The following BPIFB2 variants were observed in gnomAD, a reference collection of about 807,000 sequenced individuals.
The protein encoded by BPIFB2 is BPI fold containing family B member 2.
BPIFB2 carries 39 observed loss-of-function variants against 50.1 expected under a neutral mutation model. That is an observed-to-expected ratio of 0.78 (90% CI 0.60 to 1.02). BPIFB2 has a LOEUF of 1.02. Among genes scored for constraint, BPIFB2 ranks in the 50% least tolerant of loss-of-function variants. The pLI is 0.00. For synonymous variants in BPIFB2, 280 were observed against 256.3 expected, an observed-to-expected ratio of 1.09 and a Z score of -0.88; for missense variants, 574 against 585.8, an observed-to-expected ratio of 0.98 and a Z score of 0.21.
chr20:33,020,471 G>T (rs1227066065), intron 12 of BPIFB2, 71 bp from the exon 13 acceptor site: 1 of 1,595,286 alleles, frequency 6.3e-7, no homozygotes, highest in Non-Finnish European at 8.6e-7. Flanking sequence ...CCTGGGTCAC[G>T]GTGTTAGCCA....
rs1266412548 is a variant in BPIFB2, at chr20:33,009,819, G to A, written c.109+1136G>A. Among the ~76,000 whole-genome samples, 2 of 152,240 alleles carry A rather than the reference G, an allele frequency of 1.3e-5. No homozygotes were observed. Among genetic ancestry groups the A allele is most frequent in the Admixed American group, 1.3e-4 (2 of 15,290 alleles). On this transcript the variant is annotated intron_variant, in intron 2 of 15. Coordinates refer to ENST00000170150, the MANE Select transcript of BPIFB2 (RefSeq NM_025227.3). The surrounding 1 kb of genome is among the most constrained non-coding windows in gnomAD (Gnocchi z 4.2). ...TGTTTTTGGCAGAAATCTGGCTGGA[G>A]GCCCACGCTGGACGCATTGCTCCCC...
intron 15 of BPIFB2, among the ~76,000 whole-genome samples, chr20:33,022,711 G>A (rs1167902147): frequency 6.6e-6 from 1 of 152,220 alleles, no homozygotes; most frequent in African/African-American, 2.4e-5. Flanking sequence ...GTGCAACTGT[G>A]GACCTGAATT....
chr20:33,020,517 C>A, intron 12 of BPIFB2, 25 bp from the exon 13 acceptor site: 1 of 1,602,266 alleles, frequency 6.2e-7, no homozygotes, highest in Non-Finnish European at 8.5e-7. Context: ...AGACCCTGTC[C>A]TGAATTCTCC....
intron 11 of BPIFB2, 94 bp from the exon 12 acceptor site, chr20:33,020,234 G>A (rs967521880): frequency 6.3e-5 from 79 of 1,247,400 alleles, no homozygotes; most frequent in Non-Finnish European, 8.8e-5. Context: ...GACACCTGCT[G>A]CCTGAATGAG....
At position 33,018,495 on chromosome 20, in the gene BPIFB2, C is replaced by T. The variant is rs142474367; in HGVS notation, c.670-142C>T. 1,402 of 1,296,852 alleles carry T rather than the reference C, an allele frequency of 1.1e-3. 14 individuals carry two copies. In the African/African-American group the frequency reaches 0.017, roughly 16 times the overall value. The allele number at this position is 1,296,852 out of a possible 1,614,324, so 80.3% of individuals were successfully genotyped here. A position where few individuals can be genotyped will look rare whatever the true frequency, so the allele number is the denominator to read the frequency against. On this transcript the variant is annotated intron_variant, in intron 8 of 15. Coordinates refer to ENST00000170150, the MANE Select transcript of BPIFB2 (RefSeq NM_025227.3). ...CCCAGCCGGGAGCATGCCACACAGG[C>T]GAAAGTGTGAACTACACATGTGGCA...
Position 33,013,939 on chromosome 20 carries a change from G to A in BPIFB2, c.438G>A (p.Glu146=), listed in dbSNP as rs774340337. Residue 146 remains glutamate, a synonymous_variant, in exon 5 of 16, where the codon GAG becomes GAA. Coordinates refer to ENST00000170150, the MANE Select transcript of BPIFB2 (RefSeq NM_025227.3). ...ACSLFSGHAN[E]FDGSNSTSHA... is the part of the protein sequence containing the mutation. ...CTTTATTCTCGGGCCACGCCAACGA[G>A]TTTGATGGCAGTAACAGGTGGGTGC... The A allele has an allele frequency of 6.2e-7, 1 of 1,613,558 alleles. No individual in the cohort carries two copies. The highest frequency in any genetic ancestry group is 1.3e-5 in the African/African-American group (1 of 74,932).
At chr20:33,015,288 G>C (rs1978375528) in intron 5 of BPIFB2, 148 bp from the exon 6 acceptor site, 1 of 620,844 alleles carries the variant, frequency 1.6e-6, no homozygotes, top group South Asian at 2.3e-5. Flanking sequence ...TGCCAGCACT[G>C]TGTCTGGCAG....
At chr20:33,011,445 C>G (rs781286424) in intron 3 of BPIFB2, among the ~76,000 whole-genome samples, 37 of 152,208 alleles carry the variant, frequency 2.4e-4, no homozygotes, top group Non-Finnish European at 4.6e-4. Context: ...CCCTCTGTTT[C>G]TAGAAACTGG....
At chr20:33,008,436 T>G in intron 1 of BPIFB2, 105 bp from the exon 2 acceptor site, 1 of 607,634 alleles carries the variant, frequency 1.6e-6, no homozygotes, top group Non-Finnish European at 2.8e-6. Context: ...GGGGCAGGGC[T>G]GGGATCACCA....
Position 33,009,315 on chromosome 20 carries a change from A to T in BPIFB2, c.109+632A>T, listed in dbSNP as rs1479941711. Among the ~76,000 whole-genome samples the T allele has an allele frequency of 1.3e-5, 2 of 152,162 alleles. No individual in the cohort carries two copies. Among genetic ancestry groups the T allele is most frequent in the East Asian group, 3.9e-4 (2 of 5,194 alleles). ...CAAGTCTTGCCCCAATCCCCTAAGG[A>T]GGGCACAATGAAGAAACTTAGCCCC... On this transcript the variant is annotated intron_variant, in intron 2 of 15. Coordinates refer to ENST00000170150, the MANE Select transcript of BPIFB2 (RefSeq NM_025227.3). The surrounding 1 kb of genome is among the most constrained non-coding windows in gnomAD (Gnocchi z 4.2).
In BPIFB2 at chr20:33,009,341, A is replaced by G. The variant is rs1361147285; in HGVS notation, c.109+658A>G. 2.0e-5 allele frequency among the ~76,000 whole-genome samples: 3 copies of G among 152,194 alleles called. No individual in the cohort carries two copies. Among genetic ancestry groups the G allele is most frequent in the Non-Finnish European group, 4.4e-5 (3 of 68,034 alleles). Reference sequence around the variant, plus strand: ...GGGCACAATGAAGAAACTTAGCCCCAGGGAGGGACAGACATTGCCAAGGTC... The same window carrying G: ...GGGCACAATGAAGAAACTTAGCCCCGGGGAGGGACAGACATTGCCAAGGTC... On this transcript the variant is annotated intron_variant, in intron 2 of 15. Coordinates refer to ENST00000170150, the MANE Select transcript of BPIFB2 (RefSeq NM_025227.3). The surrounding 1 kb of genome is among the most constrained non-coding windows in gnomAD (Gnocchi z 4.2).
intron 6 of BPIFB2, 103 bp downstream of exon 6, chr20:33,015,599 T>TAAAAAAA: frequency 1.3e-6 from 1 of 766,798 alleles, no homozygotes; most frequent in South Asian, 2.1e-5. Context: ...TGCTTGGGAT[T>TAAAAAAA]AAAAAAAAAA....
In BPIFB2 at chr20:33,009,165, A is replaced by G. The variant is rs1395937948; in HGVS notation, c.109+482A>G. Among the ~76,000 whole-genome samples, 1 of 152,122 alleles carries G rather than the reference A, an allele frequency of 6.6e-6. No individual in the cohort carries two copies. Among genetic ancestry groups the G allele is most frequent in the East Asian group, 1.9e-4 (1 of 5,198 alleles). ...GTGTGTTCTTGGGAGAGGTCTGTCTAGCACCGTGATGCAAGGAGTGTTCTA... is the reference window on the plus strand; with the variant it reads ...GTGTGTTCTTGGGAGAGGTCTGTCTGGCACCGTGATGCAAGGAGTGTTCTA... On this transcript the variant is annotated intron_variant, in intron 2 of 15. Coordinates refer to ENST00000170150, the MANE Select transcript of BPIFB2 (RefSeq NM_025227.3). This position sits in a 1 kb window ranked among gnomAD's most constrained non-coding sequence, Gnocchi z 4.2.
intron 2 of BPIFB2, among the ~76,000 whole-genome samples, chr20:33,010,441 T>A (rs1393318552): frequency 1.3e-5 from 2 of 152,226 alleles, no homozygotes; most frequent in African/African-American, 2.4e-5. Flanking sequence ...TTTACAATGA[T>A]CCTATGTGAC....
rs760469870 is a variant in BPIFB2, at chr20:33,018,633, A to G, written c.670-4A>G. ...TCTCCCACTTCCCCCTCCCACCCCT[A>G]CAGGCTGTTCTCTTCCTGCTGGGCA... On this transcript the variant is annotated splice_region_variant and splice_polypyrimidine_tract_variant and intron_variant, in intron 8 of 15. Coordinates refer to ENST00000170150, the MANE Select transcript of BPIFB2 (RefSeq NM_025227.3). 1 of 1,607,740 alleles carries G rather than the reference A, an allele frequency of 6.2e-7. No individual in the cohort carries two copies. The highest frequency in any genetic ancestry group is 1.7e-5 in the Admixed American group (1 of 59,538).
rs147688509 is a variant in BPIFB2 at position 33,018,270 on chromosome 20, G to T, written c.589G>T (p.Val197Leu). 1.4e-5 allele frequency: 23 copies of T among 1,613,128 alleles called. No homozygotes were observed. Among genetic ancestry groups the T allele is most frequent in the Non-Finnish European group, 2.0e-5 (23 of 1,179,396 alleles). ...CTGGTTTCATGAAGGCCTCAACCCC[G>T]TGGGTCCTGAGTCCCAGATCCGCTA... is the stretch of plus-strand genomic sequence containing the variant. ...HLGTLIGLNP[V>L]GPESQIRYSM... Residue 197 changes from valine (V) to leucine (L), a missense_variant, in exon 8 of 16, where the codon GTG (valine) becomes TTG (leucine). Transcript: ENST00000170150.
intron 6 of BPIFB2, among the ~76,000 whole-genome samples, chr20:33,015,839 A>G (rs954703302): frequency 3.3e-5 from 5 of 152,222 alleles, no homozygotes; most frequent in African/African-American, 9.6e-5. Context: ...GGGTGTGGGC[A>G]TGGGGCCACC....
chr20:33,015,503 G>A lies in BPIFB2; in HGVS notation c.516+7G>A. 1 of 1,608,038 alleles carries A rather than the reference G, an allele frequency of 6.2e-7. No individual in the cohort carries two copies. Among genetic ancestry groups the A allele is most frequent in the South Asian group, 1.1e-5 (1 of 90,760 alleles). On this transcript the variant is annotated splice_region_variant and intron_variant, in intron 6 of 15. Coordinates refer to ENST00000170150, the MANE Select transcript of BPIFB2 (RefSeq NM_025227.3). ...AGCTGTCTTGAGTAACAAGGTAAAG[G>A]GCTTGCAGATTTCTCAGAAAGGAGG...
At chr20:33,023,298 C>T in intron 15 of BPIFB2, 44 bp from the exon 16 acceptor site, 3 of 1,594,754 alleles carry the variant, frequency 1.9e-6, no homozygotes, top group Non-Finnish European at 2.6e-6. Flanking sequence ...GGGGTCCTGC[C>T]TGTGCCTCCT....
Sources: gnomAD v4.1 joint callset for allele counts (sites outside exome capture counted in the v4.1 genomes callset) on GRCh38, gnomAD v4.1.1 for gene constraint, Gnocchi (gnomAD v3.1) non-coding constraint, MANE v1.5 for transcripts, NCBI Gene and HGNC (gene_info 2026-07-23, HGNC 2026-07-21) for gene names.